FGGY: variants seen among roughly 807,000 people sequenced by gnomAD.
The protein encoded by FGGY is FGGY carbohydrate kinase domain containing.
FGGY carries 72 observed loss-of-function variants against 71.3 expected under a neutral mutation model. The observed-to-expected ratio is 1.01, with a 90% CI of 0.84 to 1.23. FGGY has a LOEUF of 1.23. FGGY is among the 50% of genes most tolerant of loss of function. FGGY has a pLI of 0.00. For synonymous variants in FGGY, 251 were observed against 250.3 expected, an observed-to-expected ratio of 1.00 and a Z score of -0.02; for missense variants, 668 against 682.3, an observed-to-expected ratio of 0.98 and a Z score of 0.23.
chr1:59,343,581 A>G (rs1422809498), intron 3 of FGGY, among the ~76,000 whole-genome samples: 1 of 152,184 alleles, frequency 6.6e-6, no homozygotes, highest in Admixed American at 6.5e-5. Flanking sequence ...TCTCCTGCAG[A>G]CATATGTTGC....
intron 7 of FGGY, among the ~76,000 whole-genome samples, chr1:59,516,755 G>C (rs569667418): frequency 6.6e-6 from 1 of 152,256 alleles, no homozygotes; most frequent in African/African-American, 2.4e-5. Flanking sequence ...GGCCATCCAG[G>C]CCTCTCACCA....
At chr1:59,500,853 G>C (rs2094203680) in intron 6 of FGGY, among the ~76,000 whole-genome samples, 1 of 152,156 alleles carries the variant, frequency 6.6e-6, no homozygotes, top group African/African-American at 2.4e-5. Flanking sequence ...CTCCAGGGGT[G>C]AATTTATGTC....
At chr1:59,566,692 A>G (rs553211803) in intron 8 of FGGY, among the ~76,000 whole-genome samples, 1 of 152,304 alleles carries the variant, frequency 6.6e-6, no homozygotes, top group East Asian at 1.9e-4. Flanking sequence ...GATATATTGC[A>G]TTAGAATAAA....
At chr1:59,609,830 C>T (rs2096657116) in intron 9 of FGGY, among the ~76,000 whole-genome samples, 3 of 152,290 alleles carry the variant, frequency 2.0e-5, no homozygotes, top group African/African-American at 4.8e-5. Context: ...ATGTTCTGTA[C>T]GTTACTGTTG....
At chr1:59,661,652 A>G (rs571767720) in intron 12 of FGGY, among the ~76,000 whole-genome samples, 1 of 152,176 alleles carries the variant, frequency 6.6e-6, no homozygotes, top group Non-Finnish European at 1.5e-5. Flanking sequence ...TTATAATAAT[A>G]ATGATGATTA....
intron 12 of FGGY, among the ~76,000 whole-genome samples, chr1:59,663,363 A>T (rs948267872): frequency 2.0e-5 from 3 of 152,332 alleles, no homozygotes; most frequent in African/African-American, 7.2e-5. Context: ...AAGCTTTCAG[A>T]TATTCCTAAG....
At chr1:59,354,894 G>A (rs1452074404) in intron 4 of FGGY, among the ~76,000 whole-genome samples, 4 of 152,208 alleles carry the variant, frequency 2.6e-5, no homozygotes, top group Admixed American at 6.5e-5. Context: ...TGACCTGAAT[G>A]ATGAGATAGG....
At chr1:59,372,755 A>G (rs970918882) in intron 4 of FGGY, among the ~76,000 whole-genome samples, 7 of 152,342 alleles carry the variant, frequency 4.6e-5, no homozygotes, top group Admixed American at 4.6e-4. Context: ...CTGGTCCAAT[A>G]TACGCAAATC....
intron 5 of FGGY, among the ~76,000 whole-genome samples, chr1:59,442,532 C>T (rs1365717265): frequency 1.3e-5 from 2 of 152,112 alleles, no homozygotes; most frequent in African/African-American, 4.8e-5. Context: ...ATCTTCAGGT[C>T]TGTACTTCTA....
rs575026489 is a variant in FGGY at position 59,387,440 on chromosome 1, T to A, written c.554+8603T>A. Reference sequence around the variant, plus strand: ...GATTATTGAATGCAATTAATTTTTCTTATATTTATCAACCACTTATTTATG... The same window carrying A: ...GATTATTGAATGCAATTAATTTTTCATATATTTATCAACCACTTATTTATG... On this transcript the variant is annotated intron_variant, in intron 5 of 15. Transcript: ENST00000303721. Among the ~76,000 whole-genome samples, 5 of 152,320 alleles carry A rather than the reference T, an allele frequency of 3.3e-5. No individual in the cohort carries two copies. In the South Asian group the frequency reaches 1.0e-3, roughly 32 times the overall value.
At chr1:59,473,095 C>T (rs1284714191) in intron 6 of FGGY, among the ~76,000 whole-genome samples, 4 of 152,148 alleles carry the variant, frequency 2.6e-5, no homozygotes, top group African/African-American at 9.7e-5. Flanking sequence ...CTCGGGTCCC[C>T]TTCCACACTG....
Position 59,622,309 on chromosome 1 carries a change from G to T in FGGY, c.1012-3679G>T, listed in dbSNP as rs113879588. Among the ~76,000 whole-genome samples the T allele has an allele frequency of 3.0e-3, 458 of 152,158 alleles. 5 individuals are homozygous for T. Among genetic ancestry groups the T allele is most frequent in the African/African-American group, 0.01 (435 of 41,514 alleles). The stretch of plus-strand genomic sequence containing the variant: ...TCACCTCAGATTTGGTGTTCACTAA[G>T]TGGCTTTTCTCTTAAGTATGGATTA... On this transcript the variant is annotated intron_variant, in intron 9 of 15. Coordinates refer to ENST00000303721, the MANE Select transcript of FGGY (RefSeq NM_018291.5).
At chr1:59,418,062 T>C (rs1419286989) in intron 5 of FGGY, among the ~76,000 whole-genome samples, 1 of 152,136 alleles carries the variant, frequency 6.6e-6, no homozygotes, top group Non-Finnish European at 1.5e-5. Context: ...TGAGGTTTTG[T>C]TAAGCTAAGG....
At chr1:59,325,359 ACAACAG>A (rs1160939283) in intron 2 of FGGY, among the ~76,000 whole-genome samples, 3 of 125,884 alleles carry the variant, frequency 2.4e-5, no homozygotes, top group East Asian at 2.6e-4. Context: ...TCCGTGTCCA[ACAACAG>A]CAACAACAAC....
chr1:59,750,229 C>T (rs933798171), intron 14 of FGGY, among the ~76,000 whole-genome samples: 1 of 152,140 alleles, frequency 6.6e-6, no homozygotes, highest in African/African-American at 2.4e-5. Context: ...TCCACTCCTC[C>T]CCTCCTTTAT....
intron 9 of FGGY, among the ~76,000 whole-genome samples, chr1:59,621,995 A>G (rs1572216918): frequency 6.6e-6 from 1 of 151,758 alleles, no homozygotes; most frequent in African/African-American, 2.4e-5. Context: ...TTTTCAATAT[A>G]TATTCTCATT....
intron 13 of FGGY, 110 bp from the exon 14 acceptor site, chr1:59,673,929 G>T: frequency 1.3e-6 from 1 of 787,642 alleles, no homozygotes; most frequent in Non-Finnish European, 2.2e-6. Context: ...TCGGGCGGGG[G>T]GCCTGCTGCT....
chr1:59,719,361 T>G (rs1411107787), intron 14 of FGGY, among the ~76,000 whole-genome samples: 3 of 152,194 alleles, frequency 2.0e-5, no homozygotes, highest in African/African-American at 4.8e-5. Context: ...GTTCTGCCAC[T>G]TGCTAGCCAT....
intron 2 of FGGY, among the ~76,000 whole-genome samples, chr1:59,336,479 G>T (rs1270281840): frequency 1.4e-5 from 2 of 143,884 alleles, no homozygotes; most frequent in South Asian, 2.2e-4. Flanking sequence ...AAACCTGCTA[G>T]TTTTTTTTTT....
Sources: gnomAD v4.1 joint callset for allele counts (sites outside exome capture counted in the v4.1 genomes callset) on GRCh38, gnomAD v4.1.1 for gene constraint, MANE v1.5 for transcripts, NCBI Gene and HGNC (gene_info 2026-07-23, HGNC 2026-07-21) for gene names.